The following SUMF1 variants were observed in gnomAD, a reference collection of about 807,000 sequenced individuals.
SUMF1 encodes the protein sulfatase modifying factor 1, also known as formylglycine-generating enzyme.
In SUMF1, 48 loss-of-function variants were observed where a neutral mutation model predicts 47.6. That is an observed-to-expected ratio of 1.01 (90% CI 0.80 to 1.28). SUMF1 has a LOEUF of 1.28. SUMF1 is among the 50% of genes most tolerant of loss of function. SUMF1 has a pLI of 0.00. For missense variants in SUMF1, 571 were observed against 485.4 expected, an observed-to-expected ratio of 1.18 and a Z score of -1.66; for synonymous variants, 230 against 192.1, an observed-to-expected ratio of 1.20 and a Z score of -1.63.
chr3:4,457,205 G>C (rs2079684851), intron 1 of SUMF1, among the ~76,000 whole-genome samples: 1 of 151,462 alleles, frequency 6.6e-6, no homozygotes, highest in South Asian at 2.1e-4. Context: ...GCCTCCCAAA[G>C]TGCTGGGATT....
In SUMF1 at chr3:4,467,080, G is replaced by C. The variant is rs1378817004; in HGVS notation, c.166C>G (p.Gln56Glu). The C allele has an allele frequency of 6.4e-7, 1 of 1,563,944 alleles. No individual in the cohort carries two copies. The highest frequency in any genetic ancestry group is 8.7e-7 in the Non-Finnish European group (1 of 1,155,612). The part of the protein sequence containing the change: ...LAGSCGCGTP[Q>E]RPGAHGSSAA... Reference sequence around the variant, plus strand: ...GAACTGCCATGGGCGCCAGGCCGCTGGGGCGTGCCGCAGCCGCAAGAACCC... The same window carrying C: ...GAACTGCCATGGGCGCCAGGCCGCTCGGGCGTGCCGCAGCCGCAAGAACCC... The change falls in exon 1 of 9, where the codon CAG becomes GAG. Residue 56 changes from glutamine to glutamate, a missense_variant. Coordinates refer to ENST00000272902, the MANE Select transcript of SUMF1 (RefSeq NM_182760.4).
intron 8 of SUMF1, among the ~76,000 whole-genome samples, chr3:4,171,941 CT>C (rs1384807531): frequency 6.6e-6 from 1 of 152,174 alleles, no homozygotes; most frequent in Non-Finnish European, 1.5e-5. Flanking sequence ...ATACTCCACC[CT>C]TTGAGGCACC....
chr3:4,085,107 A>C (rs947583206), intron 8 of SUMF1, among the ~76,000 whole-genome samples: 1 of 152,156 alleles, frequency 6.6e-6, no homozygotes, highest in Non-Finnish European at 1.5e-5. Context: ...CCATTCAGGT[A>C]ATCAGGGCCC....
At chr3:4,053,188 G>A (rs577548745) in intron 9 of SUMF1, among the ~76,000 whole-genome samples, 3 of 152,270 alleles carry the variant, frequency 2.0e-5, no homozygotes, top group South Asian at 4.1e-4. Flanking sequence ...AGGGAATAGG[G>A]AGGATCAAGG....
At chr3:4,235,522 A>C (rs1196787298) in intron 8 of SUMF1, among the ~76,000 whole-genome samples, 1 of 152,154 alleles carries the variant, frequency 6.6e-6, no homozygotes, top group Non-Finnish European at 1.5e-5. Flanking sequence ...AAATGACTAA[A>C]TTAACCATTA....
At chr3:4,373,858 T>A (rs1224762253) in intron 8 of SUMF1, among the ~76,000 whole-genome samples, 1 of 152,098 alleles carries the variant, frequency 6.6e-6, no homozygotes, top group African/African-American at 2.4e-5. Context: ...ATGATACATA[T>A]CCCAGGAATG....
At chr3:4,042,653 G>C (rs915262209) in intron 9 of SUMF1, among the ~76,000 whole-genome samples, 7 of 151,984 alleles carry the variant, frequency 4.6e-5, no homozygotes, top group African/African-American at 1.7e-4. Flanking sequence ...ACCTCCCTGA[G>C]TACTCATATG....
At chr3:4,246,521 C>G (rs1367555994) in intron 8 of SUMF1, among the ~76,000 whole-genome samples, 2 of 152,066 alleles carry the variant, frequency 1.3e-5, no homozygotes, top group Non-Finnish European at 2.9e-5. Context: ...CCTGTCTCAG[C>G]CTCCTGAGCA....
chr3:4,072,816 C>T (rs1692304474), intron 8 of SUMF1, among the ~76,000 whole-genome samples: 1 of 152,072 alleles, frequency 6.6e-6, no homozygotes, highest in Admixed American at 6.5e-5. Flanking sequence ...ACAAAGCCTC[C>T]AAGAAATATG....
At chr3:4,248,644 C>G (rs1249963569) in intron 8 of SUMF1, among the ~76,000 whole-genome samples, 1 of 152,196 alleles carries the variant, frequency 6.6e-6, no homozygotes, top group Non-Finnish European at 1.5e-5. Flanking sequence ...TCCCACCCCT[C>G]AGCTACACTT....
At chr3:4,146,008 G>A (rs988067529) in intron 8 of SUMF1, among the ~76,000 whole-genome samples, 2 of 152,138 alleles carry the variant, frequency 1.3e-5, no homozygotes, top group East Asian at 1.9e-4. Context: ...TCTCCCTGTT[G>A]TGTCGACTTG....
chr3:4,196,554 T>C (rs1345515663), intron 8 of SUMF1, among the ~76,000 whole-genome samples: 1 of 152,104 alleles, frequency 6.6e-6, no homozygotes, highest in Non-Finnish European at 1.5e-5. Flanking sequence ...GGCCTCCTTA[T>C]CAGAGGCCTT....
intron 8 of SUMF1, among the ~76,000 whole-genome samples, chr3:4,277,043 A>G (rs555337856): frequency 6.6e-6 from 1 of 152,266 alleles, no homozygotes; most frequent in South Asian, 2.1e-4. Flanking sequence ...GACTTTGGAG[A>G]TAATCTAATC....
chr3:4,453,200 C>T, intron 1 of SUMF1, 151 bp from the exon 2 acceptor site: 1 of 764,266 alleles, frequency 1.3e-6, no homozygotes, highest in Non-Finnish European at 2.2e-6. Context: ...CTCTATACCC[C>T]AAAGAAGGTG....
At chr3:4,239,086 G>A (rs776071220) in intron 8 of SUMF1, among the ~76,000 whole-genome samples, 1 of 152,104 alleles carries the variant, frequency 6.6e-6, no homozygotes, top group Non-Finnish European at 1.5e-5. Flanking sequence ...GATGGTTGTA[G>A]ATGTGTCGCA....
chr3:4,092,633 G>A (rs73129148), intron 8 of SUMF1, among the ~76,000 whole-genome samples: 7,172 of 152,104 alleles, frequency 0.047, 312 homozygotes, highest in African/African-American at 0.11. Flanking sequence ...GAAAAACAAC[G>A]AAAGTGACCA....
chr3:4,081,602 C>T (rs1373956182), intron 8 of SUMF1, among the ~76,000 whole-genome samples: 1 of 152,138 alleles, frequency 6.6e-6, no homozygotes, highest in East Asian at 1.9e-4. Flanking sequence ...AAGAGTACTT[C>T]TGCCACTTCC....
chr3:4,070,394 G>T (rs1250375861), intron 8 of SUMF1, among the ~76,000 whole-genome samples: 1 of 152,128 alleles, frequency 6.6e-6, no homozygotes, highest in South Asian at 2.1e-4. Flanking sequence ...AACGGAGTAA[G>T]AGGACAGCAC....
intron 8 of SUMF1, among the ~76,000 whole-genome samples, chr3:4,203,628 T>C (rs1349145914): frequency 6.6e-6 from 1 of 151,996 alleles, no homozygotes. Context: ...TGTCATGTTG[T>C]TATTTGTTTT....
Sources: gnomAD v4.1 joint callset for allele counts (sites outside exome capture counted in the v4.1 genomes callset) on GRCh38, gnomAD v4.1.1 for gene constraint, MANE v1.5 for transcripts, NCBI Gene and HGNC (gene_info 2026-07-23, HGNC 2026-07-21) for gene names.